The following MAGI2 variants were observed in gnomAD, a reference collection of about 807,000 sequenced individuals.
MAGI2 encodes the protein membrane-associated guanylate kinase, WW and PDZ domain-containing protein 2.
In MAGI2, 35 loss-of-function variants were observed where a neutral mutation model predicts 133.3. The ratio of observed to expected loss-of-function variants is 0.26; its 90% CI spans 0.20 to 0.35. The LOEUF (loss-of-function observed/expected upper bound fraction) is 0.35. MAGI2 is among the 10% of genes least tolerant of loss of function. The pLI is 1.00. For missense variants in MAGI2, 1,636 were observed against 1,863.4 expected, an observed-to-expected ratio of 0.88 and a Z score of 2.25; for synonymous variants, 729 against 710.6, an observed-to-expected ratio of 1.03 and a Z score of -0.41.
At chr7:79,115,291 C>A (rs1819294170) in intron 1 of MAGI2, among the ~76,000 whole-genome samples, 1 of 152,032 alleles carries the variant, frequency 6.6e-6, no homozygotes, top group Non-Finnish European at 1.5e-5. Context: ...TGGTGACAGA[C>A]AAGATAAACT....
intron 3 of MAGI2, among the ~76,000 whole-genome samples, chr7:78,575,218 G>A (rs1006059644): frequency 6.6e-6 from 1 of 151,950 alleles, no homozygotes. Context: ...TTTAAAAGGA[G>A]CTACTAGCTA....
chr7:79,013,534 A>G (rs1262259191), intron 1 of MAGI2, among the ~76,000 whole-genome samples: 2 of 152,170 alleles, frequency 1.3e-5, no homozygotes, highest in African/African-American at 2.4e-5. Flanking sequence ...TTCCTTTTTC[A>G]AAAATAGTTT....
intron 21 of MAGI2, among the ~76,000 whole-genome samples, chr7:78,069,669 A>G (rs758756251): frequency 4.0e-5 from 6 of 151,844 alleles, no homozygotes; most frequent in Non-Finnish European, 8.8e-5. Context: ...TTGATCCTCA[A>G]TCTCAACTCC....
intron 9 of MAGI2, among the ~76,000 whole-genome samples, chr7:78,271,727 C>A (rs1482289933): frequency 2.0e-5 from 3 of 152,098 alleles, no homozygotes; most frequent in Non-Finnish European, 4.4e-5. Flanking sequence ...TCTAGATTTT[C>A]TAGTTTATTT....
Position 78,814,828 on chromosome 7 carries a change from T to C in MAGI2, c.419-187589A>G, listed in dbSNP as rs545269501. On this transcript the variant is annotated intron_variant, in intron 2 of 21. Coordinates refer to ENST00000354212, the MANE Select transcript of MAGI2 (RefSeq NM_012301.4). The stretch of plus-strand genomic sequence containing the variant: ...GCCTCAACCTCCTGGGCTCAAATGA[T>C]CTTCCTGCTTCAGCCTCCTGATTAG... 2.6e-5 allele frequency among the ~76,000 whole-genome samples: 4 copies of C among 152,312 alleles called. No individual in the cohort carries two copies. The East Asian group carries it at 5.8e-4, about 22-fold the overall frequency.
intron 6 of MAGI2, among the ~76,000 whole-genome samples, chr7:78,425,077 T>C (rs1224988986): frequency 6.6e-6 from 1 of 152,176 alleles, no homozygotes; most frequent in Non-Finnish European, 1.5e-5. Context: ...CACCCAAATC[T>C]CATCTTGAAT....
intron 2 of MAGI2, among the ~76,000 whole-genome samples, chr7:78,656,780 T>C (rs1219087753): frequency 1.3e-5 from 2 of 152,132 alleles, no homozygotes; most frequent in Admixed American, 6.6e-5. Flanking sequence ...ATCTTAAGTA[T>C]ATATAATTTT....
intron 2 of MAGI2, among the ~76,000 whole-genome samples, chr7:78,882,987 G>A (rs745861146): frequency 2.0e-5 from 3 of 152,102 alleles, no homozygotes; most frequent in Non-Finnish European, 4.4e-5. Flanking sequence ...ATTCAATGTA[G>A]TATTGGAAGT....
intron 2 of MAGI2, among the ~76,000 whole-genome samples, chr7:78,709,627 C>G (rs1487871825): frequency 1.3e-5 from 2 of 152,178 alleles, no homozygotes; most frequent in African/African-American, 4.8e-5. Context: ...CATTTACTAT[C>G]CCAGTCCTCA....
chr7:79,150,332 T>C (rs1823079905), intron 1 of MAGI2, among the ~76,000 whole-genome samples: 1 of 152,166 alleles, frequency 6.6e-6, no homozygotes, highest in African/African-American at 2.4e-5. Flanking sequence ...ATAGCCAATG[T>C]TAACATTTTG....
intron 1 of MAGI2, among the ~76,000 whole-genome samples, chr7:79,158,314 A>G (rs1306117612): frequency 2.6e-5 from 4 of 152,114 alleles, no homozygotes; most frequent in Non-Finnish European, 2.9e-5. Flanking sequence ...TACATAAAAG[A>G]GCTCTAATTA....
At chr7:78,264,645 T>C (rs542758145) in intron 9 of MAGI2, among the ~76,000 whole-genome samples, 2 of 152,280 alleles carry the variant, frequency 1.3e-5, no homozygotes, top group East Asian at 1.9e-4. Flanking sequence ...ACAGAACTTA[T>C]AACCATCACA....
At chr7:78,564,575 A>G (rs376462987) in intron 3 of MAGI2, among the ~76,000 whole-genome samples, 116 of 152,220 alleles carry the variant, frequency 7.6e-4, no homozygotes, top group African/African-American at 2.7e-3. Flanking sequence ...GTTAGGAGCC[A>G]TAGTCTTTAT....
At chr7:79,262,224 C>G (rs1834140365) in intron 1 of MAGI2, among the ~76,000 whole-genome samples, 1 of 152,032 alleles carries the variant, frequency 6.6e-6, no homozygotes, top group Admixed American at 6.6e-5. Flanking sequence ...AGTAAATTTC[C>G]TATACCATAG....
intron 1 of MAGI2, among the ~76,000 whole-genome samples, chr7:79,194,579 T>G (rs1001828688): frequency 2.6e-5 from 4 of 152,004 alleles, no homozygotes; most frequent in African/African-American, 7.3e-5. Context: ...TTAAATTTCT[T>G]TACTACATTG....
intron 9 of MAGI2, among the ~76,000 whole-genome samples, chr7:78,302,215 A>T (rs897427752): frequency 6.6e-6 from 1 of 152,226 alleles, no homozygotes; most frequent in Non-Finnish European, 1.5e-5. Flanking sequence ...ACCATTTCAA[A>T]TTCCTTTCAC....
rs73703715 is a variant in MAGI2, at chr7:78,178,035, G to A, written c.2379C>T (p.Leu793=). 1.6e-3 allele frequency: 2,653 copies of A among 1,612,850 alleles called. 43 individuals carry two copies. In the African/African-American group the frequency reaches 0.031, roughly 19 times the overall value. ...CAGGCTGTCCAGGCTCATCTCCCCCGAGGATTCTGAAGCCAAATCCAGACT... is the reference window on the plus strand; with the variant it reads ...CAGGCTGTCCAGGCTCATCTCCCCCAAGGATTCTGAAGCCAAATCCAGACT... The part of the protein sequence containing the change: ...RMESGFGFRI[L]GGDEPGQPIL... Residue 793 remains leucine (L), a synonymous_variant, in exon 14 of 22, where the codon CTC becomes CTT. Transcript: ENST00000354212.
At chr7:78,400,060 T>C (rs143151832) in intron 6 of MAGI2, among the ~76,000 whole-genome samples, 1 of 152,344 alleles carries the variant, frequency 6.6e-6, no homozygotes, top group African/African-American at 2.4e-5. Flanking sequence ...CATAAATACC[T>C]GATTGCATTT....
chr7:78,943,892 A>C (rs1457704540), intron 2 of MAGI2, among the ~76,000 whole-genome samples: 1 of 152,190 alleles, frequency 6.6e-6, no homozygotes, highest in African/African-American at 2.4e-5. Context: ...TGTGCTAGGC[A>C]CTATAAATGT....
Sources: allele counts gnomAD v4.1 joint callset (sites outside exome capture counted in the v4.1 genomes callset), GRCh38; gene constraint gnomAD v4.1.1; transcripts MANE v1.5; gene names NCBI Gene and HGNC (gene_info 2026-07-23, HGNC 2026-07-21).